Variants in CMSS1 observed in about 807,000 individuals in gnomAD.
CMSS1 encodes protein CMSS1.
In CMSS1, 33 loss-of-function variants were observed where a neutral mutation model predicts 43.5. That is an observed-to-expected ratio of 0.76 (90% CI 0.57 to 1.01). The LOEUF (loss-of-function observed/expected upper bound fraction) is 1.01. CMSS1 is among the 50% of genes least tolerant of loss of function. CMSS1 has a pLI of 0.00. For missense variants in CMSS1, 313 were observed against 326.4 expected (o/e 0.96, Z 0.32); for synonymous variants, 115 against 117.2 (o/e 0.98, Z 0.12).
intron 1 of CMSS1, among the ~76,000 whole-genome samples, chr3:100,042,640 T>C (rs896602739): frequency 6.6e-6 from 1 of 152,222 alleles, no homozygotes; most frequent in African/African-American, 2.4e-5. Context: ...CAGATGATAC[T>C]GTATTTACTG....
intron 1 of CMSS1, among the ~76,000 whole-genome samples, chr3:99,904,607 TTTG>T (rs1421232429): frequency 6.6e-6 from 1 of 152,172 alleles, no homozygotes; most frequent in East Asian, 1.9e-4. Flanking sequence ...TTCTCTTTTT[TTTG>T]TTTTTTTGTT....
chr3:99,830,879 T>A (rs796977), intron 1 of CMSS1, among the ~76,000 whole-genome samples: 112,073 of 152,154 alleles, frequency 0.74, 41,932 homozygotes, highest in African/African-American at 0.88. Flanking sequence ...GTAGGACATA[T>A]ACAAGAGTAG....
intron 1 of CMSS1, among the ~76,000 whole-genome samples, chr3:99,968,881 G>A (rs752696638): frequency 6.6e-6 from 1 of 152,102 alleles, no homozygotes; most frequent in Non-Finnish European, 1.5e-5. Flanking sequence ...AGAAGGGTTA[G>A]CACAAACCTC....
intron 1 of CMSS1, among the ~76,000 whole-genome samples, chr3:99,834,010 C>G (rs1347624338): frequency 6.6e-6 from 1 of 152,136 alleles, no homozygotes; most frequent in Non-Finnish European, 1.5e-5. Context: ...AATATTATTG[C>G]CTTCTTTTCT....
intron 1 of CMSS1, among the ~76,000 whole-genome samples, chr3:99,874,991 T>C (rs1705437783): frequency 6.6e-6 from 1 of 152,210 alleles, no homozygotes; most frequent in Non-Finnish European, 1.5e-5. Context: ...ATTCTGAGTT[T>C]GAATTGTATA....
intron 1 of CMSS1, among the ~76,000 whole-genome samples, chr3:99,956,048 G>C (rs1708310873): frequency 6.6e-6 from 1 of 152,128 alleles, no homozygotes. Flanking sequence ...AGTGTTCATT[G>C]ACTGACACGT....
At chr3:99,869,226 A>G (rs793503) in intron 1 of CMSS1, among the ~76,000 whole-genome samples, 44,203 of 152,046 alleles carry the variant, frequency 0.29, 6,766 homozygotes, top group Admixed American at 0.35. Context: ...CCAGATGGGG[A>G]AAATTGGCCA....
At chr3:99,956,632 C>T (rs1045814968) in intron 1 of CMSS1, among the ~76,000 whole-genome samples, 1 of 152,238 alleles carries the variant, frequency 6.6e-6, no homozygotes, top group Admixed American at 6.5e-5. Flanking sequence ...AAGGCGTGAG[C>T]CCCCGCGCCC....
intron 1 of CMSS1, among the ~76,000 whole-genome samples, chr3:99,914,760 G>T (rs530386109): frequency 4.6e-5 from 7 of 152,350 alleles, no homozygotes; most frequent in South Asian, 2.1e-4. Context: ...TCATTGGAAT[G>T]TGAGGCCATT....
intron 1 of CMSS1, among the ~76,000 whole-genome samples, chr3:99,866,724 C>G (rs1944540364): frequency 6.6e-6 from 1 of 152,088 alleles, no homozygotes. Context: ...CTACCTTTAC[C>G]CACTCTTCCT....
intron 1 of CMSS1, among the ~76,000 whole-genome samples, chr3:99,902,340 A>T (rs1020902054): frequency 6.6e-6 from 1 of 152,184 alleles, no homozygotes; most frequent in South Asian, 2.1e-4. Context: ...ATATCTGTTG[A>T]ATTGAACTGA....
Position 99,886,403 on chromosome 3 carries a change from T to TA in CMSS1, c.64+68361dup, listed in dbSNP as rs372314191. On this transcript the variant is annotated intron_variant, in intron 1 of 9. Transcript: ENST00000421999. Reference sequence around the variant, plus strand: ...CATAAAATACACTTAACACTAATGATACCTGATGAGAAAAAAAAAAATCGG... The same window carrying TA: ...CATAAAATACACTTAACACTAATGATAACCTGATGAGAAAAAAAAAAATCGG... 5.9e-3 allele frequency among the ~76,000 whole-genome samples: 899 copies of TA among 151,292 alleles called. 13 individuals carry two copies. Among genetic ancestry groups the TA allele is most frequent in the African/African-American group, 0.021 (852 of 41,080 alleles).
chr3:100,099,669 C>T (rs2066271585), intron 1 of CMSS1, among the ~76,000 whole-genome samples: 2 of 151,940 alleles, frequency 1.3e-5, no homozygotes, highest in African/African-American at 4.8e-5. Context: ...ATAAATATAC[C>T]ATGTTATTCA....
chr3:100,065,284 T>C (rs1310223499), intron 1 of CMSS1, among the ~76,000 whole-genome samples: 1 of 152,218 alleles, frequency 6.6e-6, no homozygotes, highest in African/African-American at 2.4e-5. Context: ...ATAATGCTTT[T>C]TCCTGCTATA....
intron 1 of CMSS1, among the ~76,000 whole-genome samples, chr3:99,835,236 A>G (rs1942848107): frequency 6.6e-6 from 1 of 152,202 alleles, no homozygotes; most frequent in African/African-American, 2.4e-5. Flanking sequence ...TGACCCAGAA[A>G]AGGCCCACTC....
intron 1 of CMSS1, among the ~76,000 whole-genome samples, chr3:99,947,583 G>T (rs1423733020): frequency 6.6e-6 from 1 of 152,150 alleles, no homozygotes; most frequent in African/African-American, 2.4e-5. Flanking sequence ...ACTGTCCTCG[G>T]CTGAGAAAAA....
chr3:99,839,906 T>TTTTA (rs2107502486), intron 1 of CMSS1, among the ~76,000 whole-genome samples: 1 of 152,306 alleles, frequency 6.6e-6, no homozygotes, highest in Non-Finnish European at 1.5e-5. Context: ...TCCCACAGTG[T>TTTTA]TATATAAGAG....
intron 1 of CMSS1, among the ~76,000 whole-genome samples, chr3:100,063,632 T>C (rs1197617826): frequency 6.6e-6 from 1 of 152,238 alleles, no homozygotes; most frequent in Non-Finnish European, 1.5e-5. Flanking sequence ...ATTTTAAGGA[T>C]TATTTTAATC....
At chr3:100,161,001 G>A (rs2107526224) in intron 3 of CMSS1, among the ~76,000 whole-genome samples, 1 of 152,300 alleles carries the variant, frequency 6.6e-6, no homozygotes, top group Non-Finnish European at 1.5e-5. Context: ...CCCCTACCTT[G>A]CATTTTGATA....
Sources: allele counts gnomAD v4.1 joint callset (sites outside exome capture counted in the v4.1 genomes callset), GRCh38; gene constraint gnomAD v4.1.1; transcripts MANE v1.5; gene names NCBI Gene and HGNC (gene_info 2026-07-23, HGNC 2026-07-21).